Variants in RGS6 observed in about 807,000 individuals in gnomAD.
RGS6 encodes the protein regulator of G protein signaling 6, also known as regulator of G-protein signaling 6.
RGS6 carries 30 observed loss-of-function variants against 78.5 expected under a neutral mutation model. The observed-to-expected ratio is 0.38, with a 90% CI of 0.29 to 0.52. The LOEUF (loss-of-function observed/expected upper bound fraction) is 0.52. Among genes scored for constraint, RGS6 ranks in the 20% least tolerant of loss-of-function variants. The probability of loss-of-function intolerance (pLI) is 0.85; values close to 1 mark genes in which losing one functional copy is unlikely to be tolerated. For synonymous variants in RGS6, 206 were observed against 206.0 expected, an observed-to-expected ratio of 1.00 and a Z score of 0.00; for missense variants, 495 against 609.7, an observed-to-expected ratio of 0.81 and a Z score of 1.98.
At chr14:72,331,067 G>A (rs2074911260) in intron 2 of RGS6, among the ~76,000 whole-genome samples, 1 of 152,172 alleles carries the variant, frequency 6.6e-6, no homozygotes, top group African/African-American at 2.4e-5. Flanking sequence ...GTAGAGGGAT[G>A]TGACTAAGGC....
the RGS6 span, among the ~76,000 whole-genome samples, chr14:71,883,840 C>A: frequency 6.6e-6 from 1 of 152,158 alleles, no homozygotes; most frequent in African/African-American, 2.4e-5. Flanking sequence ...CAGGAAGTTA[C>A]CCTATGTGGT....
intron 3 of RGS6, among the ~76,000 whole-genome samples, chr14:72,442,985 G>C (rs989777772): frequency 6.6e-5 from 10 of 152,214 alleles, no homozygotes; most frequent in African/African-American, 2.4e-4. Flanking sequence ...AAACAGAGAA[G>C]CTTGGAAGAC....
intron 3 of RGS6, among the ~76,000 whole-genome samples, chr14:72,398,975 T>C (rs553622206): frequency 2.6e-5 from 4 of 152,060 alleles, no homozygotes; most frequent in East Asian, 1.9e-4. Context: ...CTTCCAACTA[T>C]GTGGTCAATT....
At chr14:72,594,560 T>G in the RGS6 span, among the ~76,000 whole-genome samples, 2 of 152,218 alleles carry the variant, frequency 1.3e-5, no homozygotes, top group Non-Finnish European at 2.9e-5. Flanking sequence ...CCACTCATAC[T>G]CTGACTGTGG....
chr14:72,404,875 G>A (rs2092782908), intron 3 of RGS6, among the ~76,000 whole-genome samples: 2 of 152,128 alleles, frequency 1.3e-5, no homozygotes, highest in African/African-American at 2.4e-5. Context: ...AGAGAACGAT[G>A]ACAAATCTCA....
chr14:72,237,450 C>A (rs1046189783), intron 2 of RGS6, among the ~76,000 whole-genome samples: 3 of 152,146 alleles, frequency 2.0e-5, no homozygotes, highest in Non-Finnish European at 2.9e-5. Context: ...ACCCACATGA[C>A]ATGTTGGGTT....
At chr14:72,111,576 A>G (rs1357877551) in intron 2 of RGS6, among the ~76,000 whole-genome samples, 4 of 152,210 alleles carry the variant, frequency 2.6e-5, no homozygotes, top group Non-Finnish European at 4.4e-5. Flanking sequence ...CCACATATAC[A>G]TGTTAAAAGG....
chr14:72,622,838 C>T, the RGS6 span, among the ~76,000 whole-genome samples: 1 of 152,100 alleles, frequency 6.6e-6, no homozygotes, highest in African/African-American at 2.4e-5. Flanking sequence ...AATCCTAGTG[C>T]CCCAACAACC....
chr14:71,959,831 T>G (rs1036404947), intron 1 of RGS6, among the ~76,000 whole-genome samples: 1 of 152,162 alleles, frequency 6.6e-6, no homozygotes, highest in Non-Finnish European at 1.5e-5. Flanking sequence ...CATGACTTAG[T>G]GTCTTCCCTC....
intron 17 of RGS6, among the ~76,000 whole-genome samples, chr14:72,545,452 T>C (rs1206379569): frequency 1.3e-5 from 2 of 152,106 alleles, no homozygotes; most frequent in Non-Finnish European, 2.9e-5. Context: ...AGCAAATCAC[T>C]AGCCCTCTCT....
chr14:72,508,240 C>T (rs971004052), intron 13 of RGS6, among the ~76,000 whole-genome samples: 11 of 152,174 alleles, frequency 7.2e-5, no homozygotes, highest in African/African-American at 2.4e-4. Context: ...TTAGAAGATA[C>T]TGCTGTTGCT....
At chr14:72,144,053 G>A (rs2096575903) in intron 2 of RGS6, among the ~76,000 whole-genome samples, 1 of 152,096 alleles carries the variant, frequency 6.6e-6, no homozygotes, top group African/African-American at 2.4e-5. Context: ...GCGAGACTGG[G>A]AAAATTATTT....
At chr14:72,144,564 C>T (rs749995278) in intron 2 of RGS6, among the ~76,000 whole-genome samples, 9 of 152,014 alleles carry the variant, frequency 5.9e-5, no homozygotes, top group Non-Finnish European at 7.4e-5. Flanking sequence ...TCGTATTTAT[C>T]GAAAATCTAT....
At chr14:72,597,250 A>G in the RGS6 span, among the ~76,000 whole-genome samples, 1 of 142,550 alleles carries the variant, frequency 7.0e-6, no homozygotes, top group African/African-American at 2.5e-5. Flanking sequence ...AAAAAAAAGA[A>G]AGAGAGAGAT....
chr14:72,096,782 A>G (rs539737035), intron 2 of RGS6, among the ~76,000 whole-genome samples: 56 of 152,362 alleles, frequency 3.7e-4, no homozygotes, highest in African/African-American at 1.3e-3. Context: ...GTCATGAAGC[A>G]TCCACTTTCC....
the RGS6 span, among the ~76,000 whole-genome samples, chr14:71,921,719 T>G: frequency 6.6e-6 from 1 of 151,900 alleles, no homozygotes; most frequent in Non-Finnish European, 1.5e-5. Context: ...ATGGGAGAAA[T>G]GGGAAGACAT....
At chr14:72,372,390 A>T (rs1479689024) in intron 3 of RGS6, among the ~76,000 whole-genome samples, 6 of 152,178 alleles carry the variant, frequency 3.9e-5, no homozygotes, top group Non-Finnish European at 7.3e-5. Context: ...CTATGACACC[A>T]TTTTCTAGAT....
Position 72,516,329 on chromosome 14 carries a change from C to T in RGS6, c.1092-2022C>T, listed in dbSNP as rs1240359816. 2.0e-5 allele frequency among the ~76,000 whole-genome samples: 3 copies of T among 152,182 alleles called. No individual in the cohort carries two copies. The East Asian group carries it at 5.8e-4, about 29-fold the overall frequency. ...AGAGCCCTACAGAACCTAGGGCAGG[C>T]CTGGGAGATGGAGGAGACCCATGCC... On this transcript the variant is annotated intron_variant, in intron 14 of 17. Coordinates refer to ENST00000553525, the MANE Select transcript of RGS6 (RefSeq NM_001204424.2).
chr14:72,406,478 C>T (rs1248869742), intron 3 of RGS6, among the ~76,000 whole-genome samples: 1 of 152,124 alleles, frequency 6.6e-6, no homozygotes, highest in Non-Finnish European at 1.5e-5. Context: ...CAAAGGCAGT[C>T]GTGTGTAGGT....
Sources: allele counts gnomAD v4.1 joint callset (sites outside exome capture counted in the v4.1 genomes callset), GRCh38; gene constraint gnomAD v4.1.1; transcripts MANE v1.5; gene names NCBI Gene and HGNC (gene_info 2026-07-23, HGNC 2026-07-21).